Variants in FHIT observed in about 807,000 individuals in gnomAD.
FHIT encodes the protein bis(5'-adenosyl)-triphosphatase.
Under a neutral mutation model 17.9 loss-of-function variants are expected in FHIT, and 19 were observed. The ratio of observed to expected loss-of-function variants is 1.06; its 90% CI spans 0.74 to 1.56. The LOEUF (loss-of-function observed/expected upper bound fraction) is 1.56, where lower values mean the gene tolerates loss of function less well. FHIT is among the 40% of genes most tolerant of loss of function. The pLI is 0.00. For missense variants in FHIT, 248 were observed against 189.2 expected (o/e 1.31, Z -1.82); for synonymous variants, 81 against 69.7 (o/e 1.16, Z -0.81).
chr3:59,958,900 T>C (rs778487654), intron 7 of FHIT, among the ~76,000 whole-genome samples: 9 of 152,204 alleles, frequency 5.9e-5, no homozygotes, highest in Non-Finnish European at 1.0e-4. Context: ...GTATCAGGAT[T>C]CAAAGCAGCA....
chr3:60,703,641 TA>T (rs1222477128), intron 4 of FHIT, among the ~76,000 whole-genome samples: 2 of 152,212 alleles, frequency 1.3e-5, no homozygotes, highest in Non-Finnish European at 2.9e-5. Flanking sequence ...CAAGTTTTGA[TA>T]TAACATTTTG....
intron 7 of FHIT, among the ~76,000 whole-genome samples, chr3:59,937,107 G>C (rs1285983684): frequency 1.3e-5 from 2 of 152,180 alleles, no homozygotes; most frequent in Non-Finnish European, 2.9e-5. Context: ...ATTATTTTCA[G>C]TGTGTTATTT....
intron 1 of FHIT, among the ~76,000 whole-genome samples, chr3:61,203,822 T>A (rs562354710): frequency 1.3e-5 from 2 of 152,240 alleles, no homozygotes; most frequent in East Asian, 1.9e-4. Flanking sequence ...TTGTTAAGGA[T>A]AACCAGCATT....
chr3:61,233,566 C>T (rs1314909159), intron 1 of FHIT, among the ~76,000 whole-genome samples: 5 of 152,110 alleles, frequency 3.3e-5, no homozygotes, highest in South Asian at 2.1e-4. Flanking sequence ...TGGACAATTC[C>T]ATTTTTTGTG....
At chr3:61,152,345 C>A (rs1244447895) in intron 2 of FHIT, among the ~76,000 whole-genome samples, 1 of 152,220 alleles carries the variant, frequency 6.6e-6, no homozygotes, top group Admixed American at 6.5e-5. Context: ...AAGCACACAG[C>A]TGAACTTTTG....
chr3:61,141,461 T>C (rs1265693852), intron 2 of FHIT, among the ~76,000 whole-genome samples: 2 of 152,184 alleles, frequency 1.3e-5, no homozygotes, highest in East Asian at 1.9e-4. Flanking sequence ...AGCTGCCTGT[T>C]GTGGCAATAT....
chr3:61,091,262 T>TC (rs1005788196), intron 2 of FHIT, among the ~76,000 whole-genome samples: 6 of 152,224 alleles, frequency 3.9e-5, no homozygotes, highest in Non-Finnish European at 8.8e-5. Context: ...TGGTACATCC[T>TC]CCCTACATGC....
intron 3 of FHIT, among the ~76,000 whole-genome samples, chr3:61,027,474 G>T (rs2032793826): frequency 6.6e-6 from 1 of 152,222 alleles, no homozygotes; most frequent in South Asian, 2.1e-4. Context: ...AGTGCTACAT[G>T]TATCTCTTCC....
chr3:59,760,851 C>G (rs1701477331), intron 8 of FHIT, among the ~76,000 whole-genome samples: 1 of 145,778 alleles, frequency 6.9e-6, no homozygotes, highest in South Asian at 2.2e-4. Flanking sequence ...TTTTTCGAGA[C>G]AAGGTCTCAC....
intron 7 of FHIT, among the ~76,000 whole-genome samples, chr3:59,951,085 C>G (rs945565409): frequency 2.6e-4 from 39 of 152,166 alleles, no homozygotes; most frequent in Non-Finnish European, 5.1e-4. Flanking sequence ...ATCTTATAAC[C>G]TAAGTATTAA....
intron 5 of FHIT, among the ~76,000 whole-genome samples, chr3:60,413,106 G>A (rs1315099528): frequency 6.6e-6 from 1 of 152,236 alleles, no homozygotes; most frequent in African/African-American, 2.4e-5. Context: ...CTAACTCTCA[G>A]ACATGTTGTT....
intron 2 of FHIT, among the ~76,000 whole-genome samples, chr3:61,093,261 G>C (rs143185495): frequency 1.3e-5 from 2 of 152,270 alleles, no homozygotes; most frequent in Admixed American, 6.5e-5. Context: ...GAGAGAGAGA[G>C]ACTGAGAAAG....
At chr3:60,905,942 A>G (rs1553764435) in intron 3 of FHIT, among the ~76,000 whole-genome samples, 2 of 152,190 alleles carry the variant, frequency 1.3e-5, no homozygotes, top group Admixed American at 6.5e-5. Flanking sequence ...GACTTGAACC[A>G]GGTAAGTTTT....
chr3:59,761,617 T>A (rs536299368), intron 8 of FHIT, among the ~76,000 whole-genome samples: 47 of 152,216 alleles, frequency 3.1e-4, no homozygotes, highest in African/African-American at 8.9e-4. Context: ...TTTTATTTTT[T>A]TTTTTTCGAG....
chr3:61,184,057 C>T (rs959289654), intron 2 of FHIT, among the ~76,000 whole-genome samples: 5 of 151,950 alleles, frequency 3.3e-5, no homozygotes, highest in African/African-American at 4.8e-5. Context: ...AAGATGAGCA[C>T]GTGCAGCCAC....
At chr3:59,771,150 C>G (rs972356426) in intron 8 of FHIT, among the ~76,000 whole-genome samples, 1 of 152,010 alleles carries the variant, frequency 6.6e-6, no homozygotes, top group Non-Finnish European at 1.5e-5. Context: ...AATAATGGAC[C>G]AAAAATACCA....
intron 5 of FHIT, among the ~76,000 whole-genome samples, chr3:60,528,692 T>C: frequency 6.6e-6 from 1 of 152,116 alleles, no homozygotes. Flanking sequence ...CCCTCTAAAA[T>C]CTCCCTCTAA....
intron 2 of FHIT, among the ~76,000 whole-genome samples, chr3:61,193,853 GT>G (rs2038782776): frequency 6.6e-6 from 1 of 152,098 alleles, no homozygotes; most frequent in Admixed American, 6.6e-5. Flanking sequence ...CAAAAGACAG[GT>G]CAGCAAGAGA....
intron 5 of FHIT, among the ~76,000 whole-genome samples, chr3:60,357,078 T>C (rs1374581973): frequency 6.6e-6 from 1 of 152,204 alleles, no homozygotes; most frequent in Non-Finnish European, 1.5e-5. Context: ...TTCCTTGAGA[T>C]CTTCTGGTCC....
Sources: gnomAD v4.1 joint callset for allele counts (sites outside exome capture counted in the v4.1 genomes callset) on GRCh38, gnomAD v4.1.1 for gene constraint, MANE v1.5 for transcripts, NCBI Gene and HGNC (gene_info 2026-07-23, HGNC 2026-07-21) for gene names.